The following WDR35 variants were observed in gnomAD, a reference collection of about 807,000 sequenced individuals.
WDR35 encodes WD repeat-containing protein 35.
WDR35 carries 118 observed loss-of-function variants against 158.3 expected under a neutral mutation model. The observed-to-expected ratio is 0.75, with a 90% CI of 0.64 to 0.87. The LOEUF is 0.87. WDR35 is among the 40% of genes least tolerant of loss of function. The pLI is 0.00. For synonymous variants in WDR35, 448 were observed against 476.1 expected, an observed-to-expected ratio of 0.94 and a Z score of 0.77; for missense variants, 1,263 against 1,405.8, an observed-to-expected ratio of 0.90 and a Z score of 1.62.
At position 19,935,742 on chromosome 2, in the gene WDR35, T is replaced by A. The variant is rs569775324; in HGVS notation, c.2415-139A>T. On this transcript the variant is annotated intron_variant, in intron 20 of 26. Transcript: ENST00000281405. ...ATTATCTTCAGCTTCAGAATAACTT[T>A]CAAACATATAAATGGGGAAAAAAAT... 4.8e-6 allele frequency: 5 copies of A among 1,034,186 alleles called. No homozygotes were observed. In the East Asian group the frequency reaches 1.3e-4, roughly 27 times the overall value. 64.1% of individuals were successfully genotyped at this position (1,034,186 alleles called of 1,614,324 possible). A position where few individuals can be genotyped will look rare whatever the true frequency, so the allele number is the denominator to read the frequency against.
In WDR35 at chr2:19,931,782, T is replaced by C. The variant is rs190227096; in HGVS notation, c.2824-373A>G. On this transcript the variant is annotated intron_variant, in intron 23 of 26. Coordinates refer to ENST00000281405, the MANE Select transcript of WDR35 (RefSeq NM_020779.4). ...CAAAGATATGATAGTGTTAACATGG[T>C]GCATCCTTCAGAAGCTGAAACTTAT... Among the ~76,000 whole-genome samples, 337 of 152,270 alleles carry C rather than the reference T, an allele frequency of 2.2e-3. 2 individuals are homozygous for C. The highest frequency in any genetic ancestry group is 3.2e-3 in the Non-Finnish European group (217 of 67,978).
intron 6 of WDR35, 69 bp from the exon 7 acceptor site, chr2:19,974,702 A>T: frequency 2.2e-6 from 3 of 1,370,986 alleles, no homozygotes; most frequent in Non-Finnish European, 3.0e-6. Context: ...AATACTCAAT[A>T]GAGTATTGTA....
intron 6 of WDR35, 30 bp downstream of exon 6, chr2:19,975,500 T>C: frequency 6.2e-7 from 1 of 1,600,390 alleles, no homozygotes; most frequent in South Asian, 1.1e-5. Context: ...TAAAATTGTA[T>C]AAACAAGACT....
Position 19,969,502 on chromosome 2 carries a change from G to A in WDR35, c.986C>T (p.Ala329Val). ...ALAVDSFIYF[A>V]NIRPNYKWGY... ...TACCTTATAATTAGGTCGAATGTTTGCAAAATATATAAAGGAATCAACAGC... is the reference window on the plus strand; with the variant it reads ...TACCTTATAATTAGGTCGAATGTTTACAAAATATATAAAGGAATCAACAGC... Residue 329 changes from alanine (A) to valine (V), a missense_variant, in exon 9 of 27, where the codon GCA becomes GTA. Ala to Val is a moderately conservative substitution (Grantham distance 64). Transcript: ENST00000281405. 1.2e-6 allele frequency: 2 copies of A among 1,613,024 alleles called. No homozygotes were observed. The highest frequency in any genetic ancestry group is 1.7e-6 in the Non-Finnish European group (2 of 1,179,250).
At chr2:19,928,211 A>G (rs546266000) in intron 25 of WDR35, among the ~76,000 whole-genome samples, 36 of 152,348 alleles carry the variant, frequency 2.4e-4, no homozygotes, top group Admixed American at 8.5e-4. Flanking sequence ...TAGCATGAGC[A>G]ATCTGTGCCT....
At chr2:19,931,169 C>T in intron 24 of WDR35, 100 bp downstream of exon 24, 9 of 1,346,868 alleles carry the variant, frequency 6.7e-6, no homozygotes, top group Non-Finnish European at 9.1e-6. Flanking sequence ...TGCAGACATG[C>T]AAATTAAATG....
chr2:19,967,766 GCA>G (rs1671904932), intron 9 of WDR35, among the ~76,000 whole-genome samples: 1 of 152,048 alleles, frequency 6.6e-6, no homozygotes, highest in Non-Finnish European at 1.5e-5. Context: ...TGCAAAGATA[GCA>G]CAGAGTTCCC....
In WDR35 at chr2:19,989,172, C is replaced by A. The variant is rs773319707; in HGVS notation, c.135G>T (p.Thr45=). ...DGLLKVLKLE[T]QTDDAKLRGL... is the part of the protein sequence containing the mutation. ...GGGCTTGCATTCATTTACCTGTCTG[C>A]GTCTCTAATTTCAAAACTTTCAGTA... Residue 45 remains threonine, a synonymous_variant, in exon 2 of 27, where the codon ACG becomes ACT. Transcript: ENST00000281405. The A allele has an allele frequency of 5.0e-6, 8 of 1,613,980 alleles. No homozygotes were observed. Among genetic ancestry groups the A allele is most frequent in the Non-Finnish European group, 6.8e-6 (8 of 1,179,848 alleles).
In WDR35 at chr2:19,916,365, C is replaced by T. The variant is rs563636306; in HGVS notation, c.3122-2088G>A. The stretch of plus-strand genomic sequence containing the variant: ...GGAGTTTTTCTTCATACCCCAGTGG[C>T]GCCTGGAACACCAGCAAGACAGAAC... On this transcript the variant is annotated intron_variant, in intron 25 of 26. Coordinates refer to ENST00000281405, the MANE Select transcript of WDR35 (RefSeq NM_020779.4). Among the ~76,000 whole-genome samples the T allele has an allele frequency of 2.6e-5, 4 of 152,242 alleles. No individual in the cohort carries two copies. In the South Asian group the frequency reaches 6.2e-4, roughly 24 times the overall value.
intron 2 of WDR35, among the ~76,000 whole-genome samples, chr2:19,988,721 C>T (rs1198108051): frequency 6.6e-6 from 1 of 152,148 alleles, no homozygotes; most frequent in East Asian, 1.9e-4. Flanking sequence ...AAGAGACCTA[C>T]TAATAGAAAT....
chr2:19,943,392 A>G (rs1670938399), intron 16 of WDR35, among the ~76,000 whole-genome samples: 1 of 152,130 alleles, frequency 6.6e-6, no homozygotes, highest in Non-Finnish European at 1.5e-5. Context: ...AATGTGCATT[A>G]TGCTGATATA....
rs547327637 is a variant in WDR35 at position 19,940,261 on chromosome 2, G to C, written c.1926+1498C>G. Among the ~76,000 whole-genome samples, 7 of 151,662 alleles carry C rather than the reference G, an allele frequency of 4.6e-5. No homozygotes were observed. In the East Asian group the frequency reaches 1.4e-3, roughly 29 times the overall value. ...CTGTGCCTGGGACCCCAGCTACTCA[G>C]GAGGCTGAGATGGGAGGATCACTTG... On this transcript the variant is annotated intron_variant, in intron 17 of 26. Coordinates refer to ENST00000281405, the MANE Select transcript of WDR35 (RefSeq NM_020779.4).
intron 25 of WDR35, among the ~76,000 whole-genome samples, chr2:19,919,362 C>A (rs1292545430): frequency 8.8e-6 from 1 of 113,014 alleles, no homozygotes; most frequent in Non-Finnish European, 1.6e-5. Context: ...ACCTGGGTGA[C>A]AGAGCAAGGC....
At chr2:19,940,017 T>G (rs1670819947) in intron 17 of WDR35, among the ~76,000 whole-genome samples, 1 of 151,406 alleles carries the variant, frequency 6.6e-6, no homozygotes, top group Non-Finnish European at 1.5e-5. Context: ...AAATAAATAA[T>G]GTCTTCTTTC....
chr2:19,980,769 C>T lies in WDR35; in HGVS notation c.229G>A (p.Val77Ile). 1 of 1,613,646 alleles carries T rather than the reference C, an allele frequency of 6.2e-7. No individual in the cohort carries two copies. Among genetic ancestry groups the T allele is most frequent in the Non-Finnish European group, 8.5e-7 (1 of 1,179,730 alleles). ...TTCTGATACTGCTCATTCCATGTTA[C>T]AACTTGAACAGAACCTAGAACATTA... Reference protein sequence around the residue: ...LEGHSGSVQVVTWNEQYQKLT... With the variant: ...LEGHSGSVQVITWNEQYQKLT... The change falls in exon 4 of 27, where the codon GTA becomes ATA. Residue 77 changes from valine to isoleucine, a missense_variant. Val to Ile is a conservative substitution (Grantham distance 29). Transcript: ENST00000281405.
chr2:19,956,965 A>T (rs947239464), intron 11 of WDR35, among the ~76,000 whole-genome samples: 3 of 152,214 alleles, frequency 2.0e-5, no homozygotes, highest in Non-Finnish European at 4.4e-5. Flanking sequence ...TAAAAATATG[A>T]CAGGCAGTGT....
intron 25 of WDR35, among the ~76,000 whole-genome samples, chr2:19,929,018 G>A (rs543675264): frequency 2.0e-4 from 31 of 151,948 alleles, no homozygotes; most frequent in East Asian, 3.9e-4. Flanking sequence ...CGTGTTAGCC[G>A]GGATGCTCTC....
At chr2:19,941,886 CTCTTT>C (rs757462755) in intron 16 of WDR35, 47 bp from the exon 17 acceptor site, 83 of 1,337,914 alleles carry the variant, frequency 6.2e-5, no homozygotes, top group Non-Finnish European at 8.3e-5. Context: ...AAAATTTCCT[CTCTTT>C]TAACAAATCA....
At chr2:19,948,632 C>T (rs1255628951) in intron 13 of WDR35, among the ~76,000 whole-genome samples, 4 of 152,142 alleles carry the variant, frequency 2.6e-5, no homozygotes, top group African/African-American at 4.8e-5. Flanking sequence ...AGGCATTGCA[C>T]TGCAACAACC....
Sources: allele counts gnomAD v4.1 joint callset (sites outside exome capture counted in the v4.1 genomes callset), GRCh38; gene constraint gnomAD v4.1.1; transcripts MANE v1.5; gene names NCBI Gene and HGNC (gene_info 2026-07-23, HGNC 2026-07-21).